The following STRBP variants were observed in gnomAD, a reference collection of about 807,000 sequenced individuals.
STRBP encodes spermatid perinuclear RNA binding protein.
STRBP carries 13 observed loss-of-function variants against 80.1 expected under a neutral mutation model. The observed-to-expected ratio is 0.16, with a 90% confidence interval of 0.11 to 0.26. STRBP has a LOEUF of 0.26. STRBP is among the 10% of genes least tolerant of loss of function. STRBP has a pLI of 1.00. For synonymous variants in STRBP, 284 were observed against 291.2 expected (o/e 0.98, Z 0.25); for missense variants, 485 against 815.2 (o/e 0.59, Z 4.93).
intron 2 of STRBP, chr9:123,213,783 G>C (rs542565069): frequency 1.3e-5 from 2 of 152,242 alleles, no homozygotes; most frequent in African/African-American, 4.8e-5. Flanking sequence ...AAATTAGCCA[G>C]GCATGGTGGT....
At chr9:123,250,730 A>C (rs1189027079) in intron 1 of STRBP, among the ~76,000 whole-genome samples, 2 of 152,236 alleles carry the variant, frequency 1.3e-5, no homozygotes, top group Non-Finnish European at 2.9e-5. Flanking sequence ...TCCAATGAAC[A>C]ACAGATTTTC....
intron 9 of STRBP, 50 bp from the exon 10 acceptor site, chr9:123,158,479 C>G (rs747960088): frequency 1.3e-6 from 2 of 1,515,676 alleles, no homozygotes; most frequent in African/African-American, 1.4e-5. Flanking sequence ...GTTTAGAATT[C>G]GGTAAACTAA....
intron 2 of STRBP, among the ~76,000 whole-genome samples, chr9:123,196,945 T>C (rs1458983445): frequency 2.0e-5 from 3 of 152,204 alleles, no homozygotes; most frequent in Non-Finnish European, 2.9e-5. Flanking sequence ...CCCATGCTTA[T>C]TGCAGCACTA....
At chr9:123,169,261 TG>T (rs1222843160) in intron 6 of STRBP, among the ~76,000 whole-genome samples, 1 of 151,456 alleles carries the variant, frequency 6.6e-6, no homozygotes, top group Non-Finnish European at 1.5e-5. Context: ...CTCCGCTTCC[TG>T]GGTTCAAGCA....
At chr9:123,139,389 A>C (rs2036494727) in intron 14 of STRBP, 140 bp downstream of exon 14, 1 of 730,362 alleles carries the variant, frequency 1.4e-6, no homozygotes, top group Non-Finnish European at 2.0e-6. Flanking sequence ...AAATAAACCA[A>C]AATAATAATT....
At chr9:123,219,501 GT>G (rs1033530066) in intron 2 of STRBP, among the ~76,000 whole-genome samples, 3 of 152,204 alleles carry the variant, frequency 2.0e-5, no homozygotes, top group African/African-American at 2.4e-5. Context: ...CAAATTGAAT[GT>G]TTTCAACATG....
At chr9:123,117,894 C>G (rs1299553475), downstream of STRBP, among the ~76,000 whole-genome samples, 1 of 152,246 alleles carries the variant, frequency 6.6e-6, no homozygotes, top group African/African-American at 2.4e-5. Context: ...AAAAATGCTT[C>G]CTCTGTGGAT....
intron 3 of STRBP, among the ~76,000 whole-genome samples, chr9:123,179,542 G>A (rs1283676588): frequency 6.6e-6 from 1 of 152,138 alleles, no homozygotes; most frequent in Admixed American, 6.5e-5. Context: ...TTGGGAGACC[G>A]AGGTGGGCAG....
At chr9:123,198,366 G>T (rs867632595) in intron 2 of STRBP, among the ~76,000 whole-genome samples, 19 of 152,004 alleles carry the variant, frequency 1.2e-4, no homozygotes, top group South Asian at 2.1e-4. Flanking sequence ...TTTAACTCCT[G>T]ACATCAGGTG....
intron 6 of STRBP, among the ~76,000 whole-genome samples, chr9:123,169,599 G>C (rs1232772911): frequency 6.6e-6 from 1 of 152,128 alleles, no homozygotes; most frequent in Non-Finnish European, 1.5e-5. Context: ...ATAACTTAAT[G>C]CAATACTAGA....
intron 5 of STRBP, among the ~76,000 whole-genome samples, chr9:123,171,397 G>A (rs148693243): frequency 1.4e-3 from 214 of 152,194 alleles, no homozygotes; most frequent in African/African-American, 4.9e-3. Flanking sequence ...TTAAGTGCTC[G>A]GGAAAAAGAT....
At chr9:123,267,870 A>G (rs1261084164) in intron 1 of STRBP, among the ~76,000 whole-genome samples, 4 of 124,894 alleles carry the variant, frequency 3.2e-5, no homozygotes, top group African/African-American at 1.3e-4. Flanking sequence ...CCCACAATAT[A>G]GTGCCCCCCC....
chr9:123,260,226 A>G (rs555974005), intron 1 of STRBP, among the ~76,000 whole-genome samples: 3 of 152,352 alleles, frequency 2.0e-5, no homozygotes, highest in Middle Eastern at 6.8e-3. Context: ...AGCTGTTAAT[A>G]GAATTTCACT....
chr9:123,198,204 G>A (rs1225127951), intron 2 of STRBP, among the ~76,000 whole-genome samples: 1 of 151,864 alleles, frequency 6.6e-6, no homozygotes. Flanking sequence ...GCAATGGCAC[G>A]ATCTCAGCTC....
intron 2 of STRBP, among the ~76,000 whole-genome samples, chr9:123,212,943 C>CAAAT (rs2039763253): frequency 6.6e-6 from 1 of 152,116 alleles, no homozygotes; most frequent in Non-Finnish European, 1.5e-5. Flanking sequence ...AGATTAAGTG[C>CAAAT]AAATTCAGGT....
At chr9:123,241,179 CAA>C (rs11303230) in intron 1 of STRBP, among the ~76,000 whole-genome samples, 33 of 103,554 alleles carry the variant, frequency 3.2e-4, no homozygotes, top group African/African-American at 3.2e-4. Context: ...AACTCCATCT[CAA>C]AAAAAAAAAA....
intron 2 of STRBP, among the ~76,000 whole-genome samples, chr9:123,204,696 T>C (rs925120224): frequency 1.3e-4 from 19 of 151,254 alleles, no homozygotes; most frequent in East Asian, 5.9e-4. Context: ...AGTGGGTGGA[T>C]CACAAGGTCA....
intron 2 of STRBP, among the ~76,000 whole-genome samples, chr9:123,227,824 C>A (rs1425762591): frequency 6.6e-6 from 1 of 152,050 alleles, no homozygotes; most frequent in East Asian, 1.9e-4. Context: ...CTCAGCCTCC[C>A]AAAGTGCTGG....
chr9:123,267,090 T>C (rs2041284338), intron 1 of STRBP, among the ~76,000 whole-genome samples: 1 of 150,118 alleles, frequency 6.7e-6, no homozygotes, highest in Non-Finnish European at 1.5e-5. Context: ...ACACTTTACC[T>C]GCCACTCCAA....
Sources: gnomAD v4.1 joint callset for allele counts (sites outside exome capture counted in the v4.1 genomes callset) on GRCh38, gnomAD v4.1.1 for gene constraint, MANE v1.5 for transcripts, NCBI Gene and HGNC (gene_info 2026-07-23, HGNC 2026-07-21) for gene names.